Variants in ICA1 observed in about 807,000 individuals in gnomAD.
The protein encoded by ICA1 is 69 kDa islet cell autoantigen.
ICA1 carries 40 observed loss-of-function variants against 71.0 expected under a neutral mutation model. That is an observed-to-expected ratio of 0.56 (90% CI 0.44 to 0.73). ICA1 has a LOEUF of 0.73. Ranked by LOEUF, ICA1 falls within the 30% of genes least tolerant of loss-of-function variation. The pLI, the probability that ICA1 is intolerant of heterozygous loss-of-function variation, is 0.00. For missense variants in ICA1, 578 were observed against 576.5 expected, an observed-to-expected ratio of 1.00 and a Z score of -0.03; for synonymous variants, 207 against 209.5, an observed-to-expected ratio of 0.99 and a Z score of 0.10.
intron 4 of ICA1, 64 bp downstream of exon 4, chr7:8,228,537 T>G: frequency 2.0e-6 from 2 of 995,230 alleles, no homozygotes; most frequent in Non-Finnish European, 3.0e-6. Context: ...AAATGATGTA[T>G]CAAGACAAAA....
At chr7:8,203,121 CAGG>C (rs1790294511) in intron 6 of ICA1, among the ~76,000 whole-genome samples, 2 of 152,122 alleles carry the variant, frequency 1.3e-5, no homozygotes, top group South Asian at 2.1e-4. Flanking sequence ...TTAGCTGAAG[CAGG>C]AGAAGAGATT....
intron 6 of ICA1, among the ~76,000 whole-genome samples, chr7:8,182,541 T>C (rs1232320116): frequency 2.0e-5 from 3 of 152,148 alleles, no homozygotes; most frequent in Non-Finnish European, 2.9e-5. Flanking sequence ...TGTTCCAAAG[T>C]GGAATGAATT....
intron 6 of ICA1, among the ~76,000 whole-genome samples, chr7:8,161,419 TA>T (rs1404927196): frequency 6.6e-6 from 1 of 152,196 alleles, no homozygotes. Context: ...AAGCCTTAAC[TA>T]ATGGCCTCCC....
At chr7:8,169,625 T>C (rs1046272093) in intron 6 of ICA1, among the ~76,000 whole-genome samples, 7 of 152,078 alleles carry the variant, frequency 4.6e-5, no homozygotes, top group African/African-American at 1.2e-4. Context: ...TCTTTTCATA[T>C]CTTATTTGCC....
chr7:8,248,147 T>C (rs1452389997), intron 1 of ICA1, among the ~76,000 whole-genome samples: 1 of 152,210 alleles, frequency 6.6e-6, no homozygotes, highest in Admixed American at 6.5e-5. Flanking sequence ...CTCCAATTAA[T>C]TAACTTTACA....
chr7:8,151,917 C>G (rs991953036), intron 8 of ICA1, among the ~76,000 whole-genome samples: 24 of 152,168 alleles, frequency 1.6e-4, no homozygotes, highest in African/African-American at 5.3e-4. Context: ...TATTTTTGAA[C>G]ATGTTCAGAG....
At chr7:8,193,899 G>A (rs1786521531) in intron 6 of ICA1, among the ~76,000 whole-genome samples, 1 of 152,262 alleles carries the variant, frequency 6.6e-6, no homozygotes, top group Middle Eastern at 3.4e-3. Context: ...CACAGGAAAG[G>A]AGCCTGTGAT....
At chr7:8,142,198 T>A in intron 9 of ICA1, 1 of 374,670 alleles carries the variant, frequency 2.7e-6, no homozygotes, top group Non-Finnish European at 4.9e-6. Context: ...AGAGGACACC[T>A]CCAGAGGTTA....
rs1446201995 is a variant in ICA1 at position 8,123,956 on chromosome 7, AC to A, written c.1330+3916del. Among the ~76,000 whole-genome samples, 1 of 152,152 alleles carries A rather than the reference AC, an allele frequency of 6.6e-6. No homozygotes were observed. Among genetic ancestry groups the A allele is most frequent in the African/African-American group, 2.4e-5 (1 of 41,422 alleles). On this transcript the variant is annotated intron_variant, in intron 13 of 13. Transcript: ENST00000402384. This position sits in a 1 kb window ranked among gnomAD's most constrained non-coding sequence, Gnocchi z 4.1. The stretch of plus-strand genomic sequence containing the variant: ...GTTCCTCAGTTTCCCAGGCAATAAA[AC>A]GGATAATAGTAGCTGGCTGGGAAGG...
chr7:8,152,336 T>C (rs3807839), intron 8 of ICA1, among the ~76,000 whole-genome samples: 105,277 of 151,746 alleles, frequency 0.69, 36,870 homozygotes, highest in Middle Eastern at 0.85. Context: ...CAAACTCTCC[T>C]GTATTGATGC....
intron 6 of ICA1, among the ~76,000 whole-genome samples, chr7:8,215,443 C>G (rs1261798782): frequency 6.6e-6 from 1 of 151,984 alleles, no homozygotes; most frequent in African/African-American, 2.4e-5. Context: ...CCACGTGCCA[C>G]CATAGACACT....
intron 2 of ICA1, among the ~76,000 whole-genome samples, chr7:8,235,573 T>C (rs963447462): frequency 3.3e-5 from 5 of 151,958 alleles, no homozygotes; most frequent in African/African-American, 4.8e-5. Context: ...GTAACTCTAA[T>C]GTTAGAAGTT....
intron 13 of ICA1, 87 bp from the exon 14 acceptor site, chr7:8,114,131 T>C: frequency 7.1e-7 from 1 of 1,400,654 alleles, no homozygotes; most frequent in Non-Finnish European, 1.0e-6. Context: ...CAGGTCATCT[T>C]CAAATGCAGA....
intron 6 of ICA1, among the ~76,000 whole-genome samples, chr7:8,204,199 C>G (rs1323887819): frequency 2.6e-5 from 4 of 152,222 alleles, no homozygotes; most frequent in Non-Finnish European, 4.4e-5. Flanking sequence ...CAGGTCTCCT[C>G]TACCCCAGAA....
At chr7:8,252,917 C>G (rs1808680943) in intron 1 of ICA1, among the ~76,000 whole-genome samples, 2 of 152,096 alleles carry the variant, frequency 1.3e-5, no homozygotes, top group African/African-American at 4.8e-5. Context: ...TACTGTGTTG[C>G]CCAGGCTGGT....
At chr7:8,242,543 G>C (rs932816280) in intron 1 of ICA1, among the ~76,000 whole-genome samples, 1 of 152,206 alleles carries the variant, frequency 6.6e-6, no homozygotes, top group African/African-American at 2.4e-5. Flanking sequence ...AATGCTAGCA[G>C]AAGGCAAGAA....
At chr7:8,139,072 T>C (rs1356538500) in intron 10 of ICA1, 25 bp from the exon 11 acceptor site, 2 of 1,583,208 alleles carry the variant, frequency 1.3e-6, no homozygotes, top group South Asian at 2.2e-5. Flanking sequence ...GTGCAACTGG[T>C]TACCAACAAC....
chr7:8,175,005 G>A (rs1449702496), intron 6 of ICA1, among the ~76,000 whole-genome samples: 1 of 152,114 alleles, frequency 6.6e-6, no homozygotes, highest in Non-Finnish European at 1.5e-5. Flanking sequence ...CAGGGCCTTG[G>A]AGACAAAAAT....
intron 6 of ICA1, among the ~76,000 whole-genome samples, chr7:8,163,503 G>A (rs970507448): frequency 6.6e-6 from 1 of 152,154 alleles, no homozygotes; most frequent in African/African-American, 2.4e-5. Flanking sequence ...AAATGGAATC[G>A]ATAGTACATT....
Sources: allele counts gnomAD v4.1 joint callset (sites outside exome capture counted in the v4.1 genomes callset), GRCh38; gene constraint gnomAD v4.1.1; non-coding constraint Gnocchi (gnomAD v3.1); transcripts MANE v1.5; gene names NCBI Gene and HGNC (gene_info 2026-07-23, HGNC 2026-07-21).